VKORC1L1: variants seen among roughly 807,000 people sequenced by gnomAD.
VKORC1L1 encodes vitamin K epoxide reductase complex subunit 1L1, also known as vitamin K epoxide reductase complex subunit 1-like protein 1.
VKORC1L1 carries 2 observed loss-of-function variants against 18.9 expected under a neutral mutation model. The ratio of observed to expected loss-of-function variants is 0.11; its 90% CI spans 0.04 to 0.33. The LOEUF is 0.33. Among genes scored for constraint, VKORC1L1 ranks in the 10% least tolerant of loss-of-function variants. The probability of loss-of-function intolerance (pLI) is 1.00; values close to 1 mark genes in which losing one functional copy is unlikely to be tolerated. For missense variants in VKORC1L1, 123 were observed against 224.1 expected (o/e 0.55, Z 2.88); for synonymous variants, 96 against 100.0 (o/e 0.96, Z 0.24).
chr7:65,952,712 G>A (rs1433581420), intron 2 of VKORC1L1, among the ~76,000 whole-genome samples: 1 of 150,114 alleles, frequency 6.7e-6, no homozygotes, highest in Non-Finnish European at 1.5e-5. Flanking sequence ...CTATACTGTT[G>A]CCTATAAGAA....
intron 1 of VKORC1L1, among the ~76,000 whole-genome samples, chr7:65,922,884 T>C (rs1789699305): frequency 6.6e-6 from 1 of 152,176 alleles, no homozygotes; most frequent in Non-Finnish European, 1.5e-5. Context: ...TGCAAAAGTA[T>C]TTACGTGTCC....
chr7:65,900,287 G>T (rs1789292406), intron 1 of VKORC1L1, among the ~76,000 whole-genome samples: 1 of 151,804 alleles, frequency 6.6e-6, no homozygotes, highest in South Asian at 2.1e-4. Flanking sequence ...CTACTCGGGA[G>T]GCTGAGGCAG....
At chr7:65,951,391 T>A (rs994989470) in intron 2 of VKORC1L1, among the ~76,000 whole-genome samples, 2 of 152,070 alleles carry the variant, frequency 1.3e-5, no homozygotes, top group African/African-American at 4.8e-5. Context: ...CTGGCCAACA[T>A]GGTGAAACCC....
chr7:65,881,493 TG>T (rs1788927162), intron 1 of VKORC1L1, among the ~76,000 whole-genome samples: 1 of 152,062 alleles, frequency 6.6e-6, no homozygotes, highest in South Asian at 2.1e-4. Context: ...GAGTTAGGAA[TG>T]GGAGGTGAGG....
Position 65,905,133 on chromosome 7 carries a change from T to C in VKORC1L1, c.194+31568T>C, listed in dbSNP as rs746512893. 3.4e-4 allele frequency among the ~76,000 whole-genome samples: 51 copies of C among 152,126 alleles called. 1 individual carries two copies. The highest frequency in any genetic ancestry group is 1.3e-4 in the Admixed American group (2 of 15,258). On this transcript the variant is annotated intron_variant, in intron 1 of 2. Coordinates refer to ENST00000360768, the MANE Select transcript of VKORC1L1 (RefSeq NM_173517.6). Reference sequence around the variant, plus strand: ...ATGTGCAGTTTTTTAGAAACAAAATTGGAATCATGCTTTTTGTTTCCTTTA... The same window carrying C: ...ATGTGCAGTTTTTTAGAAACAAAATCGGAATCATGCTTTTTGTTTCCTTTA...
chr7:65,916,962 GGACTTCA>G, intron 1 of VKORC1L1, among the ~76,000 whole-genome samples: 1 of 152,020 alleles, frequency 6.6e-6, no homozygotes, highest in Non-Finnish European at 1.5e-5. Context: ...TTCAAATTCA[GGACTTCA>G]GAGTGTTTAT....
chr7:65,890,675 A>G (rs988504383), intron 1 of VKORC1L1, among the ~76,000 whole-genome samples: 5 of 152,316 alleles, frequency 3.3e-5, no homozygotes, highest in African/African-American at 7.2e-5. Context: ...ATGCCAGACT[A>G]TTTTCCAAAG....
At chr7:65,941,592 C>T (rs755749548) in intron 1 of VKORC1L1, among the ~76,000 whole-genome samples, 1 of 148,824 alleles carries the variant, frequency 6.7e-6, no homozygotes, top group Non-Finnish European at 1.5e-5. Flanking sequence ...AGTGGTTATT[C>T]TGGGGGAGGA....
upstream of VKORC1L1, among the ~76,000 whole-genome samples, chr7:65,869,762 T>C (rs568327145): frequency 6.6e-6 from 1 of 150,610 alleles, no homozygotes; most frequent in Non-Finnish European, 1.5e-5. Flanking sequence ...GTAATCCTTC[T>C]GCCTTGGCCT....
At chr7:65,915,828 ACCT>A (rs1416741340) in intron 1 of VKORC1L1, among the ~76,000 whole-genome samples, 1 of 151,384 alleles carries the variant, frequency 6.6e-6, no homozygotes, top group African/African-American at 2.4e-5. Context: ...ATAAGAGGAA[ACCT>A]CCTGGCTGGG....
At chr7:65,872,860 G>T (rs1192961121), upstream of VKORC1L1, among the ~76,000 whole-genome samples, 1 of 152,034 alleles carries the variant, frequency 6.6e-6, no homozygotes, top group East Asian at 1.9e-4. Context: ...GGGGCCGAGG[G>T]TTCGCCCAGT....
intron 1 of VKORC1L1, among the ~76,000 whole-genome samples, chr7:65,888,814 G>A (rs1789057706): frequency 6.6e-6 from 1 of 152,178 alleles, no homozygotes. Flanking sequence ...AGAAAGAAGA[G>A]CTCAGCCTTG....
At chr7:65,869,081 G>A (rs1230114687), upstream of VKORC1L1, among the ~76,000 whole-genome samples, 3 of 152,084 alleles carry the variant, frequency 2.0e-5, no homozygotes, top group South Asian at 2.1e-4. Flanking sequence ...TTGGGAGGCC[G>A]AGGCGGGCAG....
chr7:65,875,131 G>A (rs1788804412), intron 1 of VKORC1L1, among the ~76,000 whole-genome samples: 1 of 152,116 alleles, frequency 6.6e-6, no homozygotes, highest in African/African-American at 2.4e-5. Context: ...AATAAGAAGA[G>A]TAGATAACTT....
chr7:65,873,904 G>T (rs936402975), intron 1 of VKORC1L1, among the ~76,000 whole-genome samples: 10 of 152,102 alleles, frequency 6.6e-5, no homozygotes, highest in Non-Finnish European at 1.2e-4. Context: ...GCGGAGGGTG[G>T]GTCCAGGCTG....
chr7:65,949,916 C>T (rs912562288), intron 2 of VKORC1L1, among the ~76,000 whole-genome samples: 1 of 152,176 alleles, frequency 6.6e-6, no homozygotes, highest in South Asian at 2.1e-4. Flanking sequence ...TAAAGACCTC[C>T]TGCTCCTTCC....
chr7:65,915,414 CTT>C (rs77683293), intron 1 of VKORC1L1, among the ~76,000 whole-genome samples: 39 of 132,550 alleles, frequency 2.9e-4, no homozygotes, highest in Admixed American at 5.4e-4. Context: ...TTTCTGAACT[CTT>C]TTTTTTTTTT....
At chr7:65,928,826 T>TTCCATACTA (rs1215757459) in intron 1 of VKORC1L1, among the ~76,000 whole-genome samples, 2 of 152,302 alleles carry the variant, frequency 1.3e-5, no homozygotes, top group East Asian at 3.9e-4. Flanking sequence ...CCAATTTGAT[T>TTCCATACTA]TCCATACTAT....
chr7:65,948,745 T>A lies in VKORC1L1; in HGVS notation c.269T>A (p.Phe90Tyr), dbSNP rs2115736482. Residue 90 changes from phenylalanine (F) to tyrosine (Y), a missense_variant, in exon 2 of 3, where the codon TTT (phenylalanine) becomes TAT (tyrosine). Transcript: ENST00000360768. ...DGVLNQPNSVFGLIFYILQLL... is the reference protein window; with the variant it reads ...DGVLNQPNSVYGLIFYILQLL... ...GTATTAAACCAGCCAAACAGTGTCTTTGGACTTATATTTTATATACTACAG... is the reference window on the plus strand; with the variant it reads ...GTATTAAACCAGCCAAACAGTGTCTATGGACTTATATTTTATATACTACAG... 1 of 1,264,788 alleles carries A rather than the reference T, an allele frequency of 7.9e-7. No homozygotes were observed. The highest frequency in any genetic ancestry group is 1.4e-5 in the South Asian group (1 of 70,580). 78.3% of individuals were successfully genotyped at this position (1,264,788 alleles called of 1,614,324 possible). A position where few individuals can be genotyped will look rare whatever the true frequency, so the allele number is the denominator to read the frequency against.
Sources: allele counts gnomAD v4.1 joint callset (sites outside exome capture counted in the v4.1 genomes callset), GRCh38; gene constraint gnomAD v4.1.1; transcripts MANE v1.5; gene names NCBI Gene and HGNC (gene_info 2026-07-23, HGNC 2026-07-21).